Variants in MEFV observed in about 807,000 individuals in gnomAD.
MEFV encodes pyrin.
A neutral mutation model predicts 62.5 loss-of-function variants in MEFV; 60 were observed. The ratio of observed to expected loss-of-function variants is 0.96; its 90% confidence interval spans 0.78 to 1.19. The LOEUF is 1.19. MEFV is among the 50% of genes most tolerant of loss of function. The pLI, the probability that MEFV is intolerant of heterozygous loss-of-function variation, is 0.00. For missense variants in MEFV, 1,169 were observed against 1,004.5 expected (o/e 1.16, Z -2.21); for synonymous variants, 500 against 415.2 (o/e 1.20, Z -2.48).
chr16:3,250,733 T>C (rs1011501305), intron 2 of MEFV, among the ~76,000 whole-genome samples: 13 of 149,028 alleles, frequency 8.7e-5, no homozygotes, highest in South Asian at 4.3e-4. Flanking sequence ...CAAGAAGAAA[T>C]AGAAACACAA....
In MEFV at chr16:3,249,767, G is replaced by A. The variant is rs1415981407; in HGVS notation, c.924C>T (p.Asp308=). 3 of 1,614,038 alleles carry A rather than the reference G, an allele frequency of 1.9e-6. No homozygotes were observed. Among genetic ancestry groups the A allele is most frequent in the Non-Finnish European group, 2.5e-6 (3 of 1,179,950 alleles). The change falls in exon 3 of 10, where the codon GAC becomes GAT. Residue 308 remains aspartate, a synonymous_variant. Transcript: ENST00000219596. ...CGTGGCAGCGGGGACTCGCAGCCGT[G>A]TCTGGTGGCCTTCCTGGGGACATGC... ...PEHSVTGRPP[D]TAASPRCHAQ...
chr16:3,250,656 A>G (rs536151689), intron 2 of MEFV, among the ~76,000 whole-genome samples: 14 of 152,006 alleles, frequency 9.2e-5, no homozygotes, highest in Admixed American at 8.5e-4. Context: ...ATGAAGACCT[A>G]ACAGTTATGA....
chr16:3,243,796 C>A, intron 9 of MEFV, 64 bp downstream of exon 9: 1 of 1,608,480 alleles, frequency 6.2e-7, no homozygotes, highest in Non-Finnish European at 8.5e-7. Context: ...TCTTCTGGAA[C>A]GTGGTAGGGG....
chr16:3,254,654 T>A lies in MEFV; in HGVS notation c.414A>T (p.Gly138=), dbSNP rs224224. 58 of 1,608,436 alleles carry A rather than the reference T, an allele frequency of 3.6e-5. No individual in the cohort carries two copies. The Admixed American group carries it at 7.0e-4, about 19-fold the overall frequency. The part of the protein sequence containing the change: ...EGNGPRPYGG[G]AASLRCSQPE... ...GCTGGCTGCACCGCAGGCTGGCAGC[T>A]CCGCCCCCGTACGGCCGAGGGCCGT... Residue 138 remains glycine (G), a synonymous_variant, in exon 2 of 10, where the codon GGA becomes GGT. Coordinates refer to ENST00000219596, the MANE Select transcript of MEFV (RefSeq NM_000243.3).
At chr16:3,250,302 A>G (rs938069723) in intron 2 of MEFV, among the ~76,000 whole-genome samples, 1 of 152,234 alleles carries the variant, frequency 6.6e-6, no homozygotes, top group Non-Finnish European at 1.5e-5. Flanking sequence ...TATGAGTTCA[A>G]TAACCATTAA....
chr16:3,255,858 T>C (rs1394654190), intron 1 of MEFV, among the ~76,000 whole-genome samples: 1 of 151,966 alleles, frequency 6.6e-6, no homozygotes. Flanking sequence ...TCCCAGCACT[T>C]TGGGAGGCTG....
chr16:3,246,627 C>T (rs1039979816), intron 5 of MEFV, 80 bp from the exon 6 acceptor site: 80 of 1,539,428 alleles, frequency 5.2e-5, no homozygotes, highest in Non-Finnish European at 3.1e-5. Flanking sequence ...TTCTGGGCTC[C>T]TGGACTTTTA....
At chr16:3,246,049 G>A (rs956997021) in intron 6 of MEFV, among the ~76,000 whole-genome samples, 2 of 152,206 alleles carry the variant, frequency 1.3e-5, no homozygotes, top group African/African-American at 4.8e-5. Flanking sequence ...GCTAAGTGAA[G>A]AAGCCAGACA....
At chr16:3,244,380 A>G in intron 7 of MEFV, 93 bp downstream of exon 7, 1 of 1,603,522 alleles carries the variant, frequency 6.2e-7, no homozygotes, top group Non-Finnish European at 8.5e-7. Context: ...CAGCAAGACC[A>G]GGGGAAGAGG....
At chr16:3,253,033 C>G (rs1959059973) in intron 2 of MEFV, among the ~76,000 whole-genome samples, 1 of 151,108 alleles carries the variant, frequency 6.6e-6, no homozygotes, top group Non-Finnish European at 1.5e-5. Flanking sequence ...CCTGGATAGC[C>G]TCGGTACCCT....
At chr16:3,244,420 A>C in intron 7 of MEFV, 53 bp downstream of exon 7, 1 of 1,596,280 alleles carries the variant, frequency 6.3e-7, no homozygotes, top group Non-Finnish European at 8.6e-7. Context: ...GGCTATGTGG[A>C]TCTTAGGGAG....
At chr16:3,252,026 G>T in intron 2 of MEFV, 1 of 404,778 alleles carries the variant, frequency 2.5e-6, no homozygotes, top group Non-Finnish European at 5.0e-6. Context: ...AGACCAACCT[G>T]GGCAACATAG....
chr16:3,244,092 G>C, intron 8 of MEFV, 162 bp downstream of exon 8: 1 of 1,552,098 alleles, frequency 6.4e-7, no homozygotes, highest in Non-Finnish European at 8.7e-7. Context: ...CAGTCAATGA[G>C]TCACGCACAG....
intron 5 of MEFV, 118 bp downstream of exon 5, chr16:3,246,898 A>G: frequency 1.0e-6 from 1 of 1,002,504 alleles, no homozygotes; most frequent in South Asian, 1.3e-5. Context: ...ACCAAGTCCT[A>G]TCCTAGGCCT....
chr16:3,250,124 C>T lies in MEFV; in HGVS notation c.911-344G>A, dbSNP rs374026253. ...GACATTCTGACCAGTGTTCCTTTGC[C>T]ACTTGAACCCATCCCTGGCTGCCCA... On this transcript the variant is annotated intron_variant, in intron 2 of 9. Coordinates refer to ENST00000219596, the MANE Select transcript of MEFV (RefSeq NM_000243.3). Among the ~76,000 whole-genome samples the T allele has an allele frequency of 5.9e-5, 9 of 152,298 alleles. No homozygotes were observed. In the East Asian group the frequency reaches 7.7e-4, roughly 13 times the overall value.
Position 3,254,754 on chromosome 16 carries a change from G to A in MEFV, c.314C>T (p.Ala105Val). The change falls in exon 2 of 10, where the codon GCA (alanine) becomes GTA (valine). Residue 105 changes from alanine (A) to valine (V), a missense_variant. Ala to Val is a moderately conservative substitution (Grantham distance 64). Coordinates refer to ENST00000219596, the MANE Select transcript of MEFV (RefSeq NM_000243.3). ...STQENGTDDS[A>V]ASSSLGENKP... ...GTTCTCCCCCAGGGAGCTGGACGCT[G>A]CGGAATCATCTGTGCCGTTTTCTTG... The A allele has an allele frequency of 6.2e-7, 1 of 1,612,764 alleles. No homozygotes were observed. Among genetic ancestry groups the A allele is most frequent in the African/African-American group, 1.3e-5 (1 of 75,068 alleles).
At chr16:3,243,988 C>A (rs762220068) in intron 8 of MEFV, 96 bp from the exon 9 acceptor site, 1 of 1,575,214 alleles carries the variant, frequency 6.3e-7, no homozygotes, top group South Asian at 1.1e-5. Flanking sequence ...GACAAGGAAC[C>A]CCCTGCTTAG....
At chr16:3,245,206 C>G (rs758048215) in intron 6 of MEFV, among the ~76,000 whole-genome samples, 1 of 151,980 alleles carries the variant, frequency 6.6e-6, no homozygotes, top group African/African-American at 2.4e-5. Context: ...CAGAATCACC[C>G]GAGCCCAGGA....
intron 2 of MEFV, 46 bp downstream of exon 2, chr16:3,254,112 A>G: frequency 1.2e-6 from 2 of 1,605,358 alleles, no homozygotes; most frequent in African/African-American, 1.3e-5. Context: ...CCGGCCAGCC[A>G]TTCTTTCTCT....
Sources: allele counts gnomAD v4.1 joint callset (sites outside exome capture counted in the v4.1 genomes callset), GRCh38; gene constraint gnomAD v4.1.1; transcripts MANE v1.5; gene names NCBI Gene and HGNC (gene_info 2026-07-23, HGNC 2026-07-21).